PBX3: variants seen among roughly 807,000 people sequenced by gnomAD.
The protein encoded by PBX3 is PBX homeobox 3.
In PBX3, 14 loss-of-function variants were observed where a neutral mutation model predicts 48.5. The observed-to-expected ratio is 0.29, with a 90% CI of 0.19 to 0.45. PBX3 has a LOEUF of 0.45. Among genes scored for constraint, PBX3 ranks in the 20% least tolerant of loss-of-function variants. The probability of loss-of-function intolerance (pLI) is 1.00; values close to 1 mark genes in which losing one functional copy is unlikely to be tolerated. For synonymous variants in PBX3, 210 were observed against 200.3 expected (o/e 1.05, Z -0.41); for missense variants, 386 against 546.7 (o/e 0.71, Z 2.93).
At chr9:125,839,284 G>T (rs1291847529) in intron 2 of PBX3, among the ~76,000 whole-genome samples, 3 of 152,176 alleles carry the variant, frequency 2.0e-5, no homozygotes, top group Non-Finnish European at 4.4e-5. Flanking sequence ...TTTTTGAGGT[G>T]AACCAGTTAA....
chr9:125,795,435 T>G (rs1354201025), intron 2 of PBX3, among the ~76,000 whole-genome samples: 2 of 152,236 alleles, frequency 1.3e-5, no homozygotes, highest in Non-Finnish European at 2.9e-5. Flanking sequence ...TTTACTGATA[T>G]TATATTCTTT....
intron 2 of PBX3, among the ~76,000 whole-genome samples, chr9:125,893,196 TAGTG>T (rs2132393188): frequency 6.6e-6 from 1 of 152,326 alleles, no homozygotes; most frequent in African/African-American, 2.4e-5. Flanking sequence ...TCTATACCAA[TAGTG>T]AGAAGCAAAG....
chr9:125,887,240 C>T (rs2132370998), intron 2 of PBX3, among the ~76,000 whole-genome samples: 1 of 152,218 alleles, frequency 6.6e-6, no homozygotes, highest in East Asian at 1.9e-4. Context: ...CTGACCAATT[C>T]CTTTCATGAA....
intron 2 of PBX3, among the ~76,000 whole-genome samples, chr9:125,838,738 TGTACCAAA>T (rs1195620668): frequency 6.6e-6 from 1 of 152,258 alleles, no homozygotes; most frequent in African/African-American, 2.4e-5. Context: ...ACTAGCTCTT[TGTACCAAA>T]GTACGAAACA....
intron 2 of PBX3, among the ~76,000 whole-genome samples, chr9:125,832,788 AT>A (rs1839003556): frequency 6.6e-6 from 1 of 151,706 alleles, no homozygotes; most frequent in South Asian, 2.1e-4. Context: ...ACCCTTTTGT[AT>A]TTCTCTTTAC....
chr9:125,802,179 G>A (rs1837971871), intron 2 of PBX3, among the ~76,000 whole-genome samples: 1 of 151,926 alleles, frequency 6.6e-6, no homozygotes, highest in Non-Finnish European at 1.5e-5. Flanking sequence ...CAGGTATATT[G>A]CGTGATGCTG....
chr9:125,861,300 AAATAATAATAAT>A lies in PBX3; in HGVS notation c.275-54373_275-54362del, dbSNP rs368338583. 4.3e-5 allele frequency among the ~76,000 whole-genome samples: 6 copies of A among 140,428 alleles called. No homozygotes were observed. The East Asian group carries it at 1.7e-3, about 39-fold the overall frequency. 92.1% of individuals were successfully genotyped at this position (140,428 alleles called of 152,430 possible). ...GGTGATAAAGTGAGACCCTGTCTCC[AAATAATAATAAT>A]AATAATAATAATGATAAAAGAGCAG... On this transcript the variant is annotated intron_variant, in intron 2 of 8. Transcript: ENST00000373489.
chr9:125,850,762 G>A (rs1393304416), intron 2 of PBX3, among the ~76,000 whole-genome samples: 1 of 152,040 alleles, frequency 6.6e-6, no homozygotes, highest in African/African-American at 2.4e-5. Context: ...AGATAAAACT[G>A]TTTGAGAAAA....
intron 2 of PBX3, among the ~76,000 whole-genome samples, chr9:125,777,244 C>T (rs1837098156): frequency 1.3e-5 from 2 of 151,996 alleles, no homozygotes; most frequent in Non-Finnish European, 2.9e-5. Flanking sequence ...AACTCCTGAG[C>T]TCAGGTAATC....
chr9:125,839,112 CT>C lies in PBX3; in HGVS notation c.275-76571del, dbSNP rs1451353558. Among the ~76,000 whole-genome samples, 15 of 152,268 alleles carry C rather than the reference CT, an allele frequency of 9.9e-5. No homozygotes were observed. In the East Asian group the frequency reaches 2.5e-3, roughly 25 times the overall value. The stretch of plus-strand genomic sequence containing the variant: ...CCTTGAGGAAGTAACTGAAAATAAT[CT>C]TTCTGTGTTTTACTTCTAAAATTTC... On this transcript the variant is annotated intron_variant, in intron 2 of 8. Transcript: ENST00000373489.
intron 2 of PBX3, among the ~76,000 whole-genome samples, chr9:125,820,842 G>C (rs551564449): frequency 9.2e-5 from 14 of 152,252 alleles, no homozygotes; most frequent in Non-Finnish European, 1.9e-4. Context: ...GTGTGGCCTT[G>C]AAATATAATT....
chr9:125,748,153 C>G, intron 1 of PBX3: 1 of 795,982 alleles, frequency 1.3e-6, no homozygotes, highest in Non-Finnish European at 1.5e-6. Flanking sequence ...GCCTTGCAAA[C>G]TTTGCCGAGC....
chr9:125,881,127 T>A (rs1362932334), intron 2 of PBX3, among the ~76,000 whole-genome samples: 1 of 152,248 alleles, frequency 6.6e-6, no homozygotes, highest in Non-Finnish European at 1.5e-5. Flanking sequence ...TCTTCCTTGC[T>A]TATCAGCTCT....
rs374492343 is a variant in PBX3, at chr9:125,937,478, A to G, written c.843+1871A>G. On this transcript the variant is annotated intron_variant, in intron 5 of 8. Coordinates refer to ENST00000373489, the MANE Select transcript of PBX3 (RefSeq NM_006195.6). ...AGAAAAAGGTACAGAGGTAGAAATA[A>G]TATAGATATAGCTCTGTTACCCTGT... Among the ~76,000 whole-genome samples the G allele has an allele frequency of 1.3e-4, 20 of 152,320 alleles. 1 individual carries two copies. The East Asian group carries it at 3.9e-3, about 29-fold the overall frequency.
At chr9:125,794,350 C>A (rs1005522549) in intron 2 of PBX3, among the ~76,000 whole-genome samples, 3 of 152,112 alleles carry the variant, frequency 2.0e-5, no homozygotes, top group African/African-American at 7.2e-5. Flanking sequence ...CCCAGGTAAT[C>A]ATATACACAT....
chr9:125,950,268 A>C (rs1428107023), intron 5 of PBX3, among the ~76,000 whole-genome samples: 1 of 152,200 alleles, frequency 6.6e-6, no homozygotes, highest in Admixed American at 6.5e-5. Context: ...GCAGAGTAGA[A>C]AGGGCAAAGC....
chr9:125,751,088 A>G (rs942913902), intron 2 of PBX3, among the ~76,000 whole-genome samples: 2 of 152,246 alleles, frequency 1.3e-5, no homozygotes, highest in Admixed American at 1.3e-4. Flanking sequence ...GAATATATGT[A>G]TATTGCATAA....
At chr9:125,789,034 ATCTT>A (rs1470358162) in intron 2 of PBX3, among the ~76,000 whole-genome samples, 2 of 152,016 alleles carry the variant, frequency 1.3e-5, no homozygotes, top group Non-Finnish European at 2.9e-5. Context: ...TACTGTTGTT[ATCTT>A]TCTATGATTT....
At chr9:125,778,516 C>T (rs1258732631) in intron 2 of PBX3, among the ~76,000 whole-genome samples, 2 of 152,048 alleles carry the variant, frequency 1.3e-5, no homozygotes, top group African/African-American at 2.4e-5. Context: ...CTCAGCCTCC[C>T]AAAATGCTGG....
Sources: allele counts gnomAD v4.1 joint callset (sites outside exome capture counted in the v4.1 genomes callset), GRCh38; gene constraint gnomAD v4.1.1; transcripts MANE v1.5; gene names NCBI Gene and HGNC (gene_info 2026-07-23, HGNC 2026-07-21).